The following SLC9A4 variants were observed in gnomAD, a reference collection of about 807,000 sequenced individuals.
SLC9A4 encodes sodium/hydrogen exchanger 4.
A neutral mutation model predicts 67.4 loss-of-function variants in SLC9A4; 63 were observed. That is an observed-to-expected ratio of 0.93 (90% CI 0.76 to 1.15). SLC9A4 has a LOEUF of 1.15. Ranked by LOEUF, SLC9A4 falls within the 50% of genes most tolerant of loss-of-function variation. SLC9A4 has a pLI of 0.00. For missense variants in SLC9A4, 1,089 were observed against 987.7 expected (o/e 1.10, Z -1.38); for synonymous variants, 393 against 367.2 (o/e 1.07, Z -0.80).
chr2:102,473,471 A>T lies in SLC9A4; in HGVS notation c.-289A>T. On this transcript the variant is annotated 5_prime_UTR_variant, in exon 1 of 12. The change abolishes an upstream ATG in the 5' untranslated region. Transcript: ENST00000295269. ...ATTTCTTTCATAAATTGCTCAAGCC[A>T]TGATTGGATGGAGGTCCTCCAGGTA... The T allele has an allele frequency of 2.4e-6, 1 of 414,812 alleles. No individual in the cohort carries two copies. Among genetic ancestry groups the T allele is most frequent in the Non-Finnish European group, 4.3e-6 (1 of 230,466 alleles). 25.7% of individuals were successfully genotyped at this position (414,812 alleles called of 1,614,324 possible).
rs1223404865 is a variant in SLC9A4 at position 102,479,251 on chromosome 2, G to A, written c.669G>A (p.Gln223=). The A allele has an allele frequency of 3.1e-6, 5 of 1,613,938 alleles. No individual in the cohort carries two copies. In the African/African-American group the frequency reaches 6.7e-5, roughly 22 times the overall value. ...AVFEEARVNE[Q]LYMMIFGEAL... is the part of the protein sequence containing the mutation. ...TTGAGGAAGCGCGCGTGAACGAGCA[G>A]CTCTACATGATGATCTTTGGGGAGG... The change falls in exon 2 of 12, where the codon CAG becomes CAA. Residue 223 remains glutamine (Q), a synonymous_variant. Transcript: ENST00000295269.
At chr2:102,504,680 T>G (rs1224236294) in intron 3 of SLC9A4, among the ~76,000 whole-genome samples, 3 of 152,230 alleles carry the variant, frequency 2.0e-5, no homozygotes, top group African/African-American at 7.2e-5. Flanking sequence ...AATGTGATAG[T>G]GTAAACTCTA....
intron 11 of SLC9A4, among the ~76,000 whole-genome samples, chr2:102,527,924 A>G (rs1390101077): frequency 6.6e-6 from 1 of 151,706 alleles, no homozygotes; most frequent in African/African-American, 2.4e-5. Context: ...GTTTTTTTCT[A>G]TTTGGTTGTT....
chr2:102,509,914 C>T (rs76918121), intron 6 of SLC9A4, among the ~76,000 whole-genome samples: 6,958 of 152,148 alleles, frequency 0.046, 492 homozygotes, highest in African/African-American at 0.15. Context: ...TGGGCAAGCT[C>T]TATTTGGTTC....
At chr2:102,511,451 T>A (rs563788870) in intron 6 of SLC9A4, among the ~76,000 whole-genome samples, 2 of 152,252 alleles carry the variant, frequency 1.3e-5, no homozygotes, top group African/African-American at 4.8e-5. Context: ...AAAGTTATAA[T>A]TTTTGGTAGA....
rs750869079 is a variant in SLC9A4, at chr2:102,512,190, G to A, written c.1489-13G>A. The A allele has an allele frequency of 1.2e-6, 2 of 1,613,746 alleles. No homozygotes were observed. Among genetic ancestry groups the A allele is most frequent in the Non-Finnish European group, 1.7e-6 (2 of 1,179,796 alleles). Reference sequence around the variant, plus strand: ...GTTTCTCCAGCAATCATTTTCTTGTGTTTGTTTGGCAGCTGATGGATCACT... The same window carrying A: ...GTTTCTCCAGCAATCATTTTCTTGTATTTGTTTGGCAGCTGATGGATCACT... On this transcript the variant is annotated splice_polypyrimidine_tract_variant and intron_variant, in intron 6 of 11. Transcript: ENST00000295269.
chr2:102,480,682 CA>C (rs891904902), intron 2 of SLC9A4, among the ~76,000 whole-genome samples: 1 of 152,154 alleles, frequency 6.6e-6, no homozygotes, highest in Non-Finnish European at 1.5e-5. Flanking sequence ...CCAGTTTAAA[CA>C]GTATGTACAT....
At chr2:102,481,139 A>C (rs1005631507) in intron 2 of SLC9A4, among the ~76,000 whole-genome samples, 3 of 152,190 alleles carry the variant, frequency 2.0e-5, no homozygotes, top group Admixed American at 2.0e-4. Context: ...GGAAACTTGC[A>C]TGTAGACCAG....
At position 102,532,639 on chromosome 2, in the gene SLC9A4, A is replaced by C. The variant is rs1228804024; in HGVS notation, c.2348A>C (p.His783Pro). The change falls in exon 12 of 12, where the codon CAC (histidine) becomes CCC (proline). Residue 783 changes from histidine to proline, a missense_variant. His to Pro is a moderately conservative substitution (Grantham distance 77). Transcript: ENST00000295269. ...TCGAGGTGGACAGCTGACCATGGAC[A>C]CGGCAGGGACCATCACAGGTCCCAT... ...VRSRWTADHG[H>P]GRDHHRSHSP... The C allele has an allele frequency of 6.2e-7, 1 of 1,613,972 alleles. No individual in the cohort carries two copies. The highest frequency in any genetic ancestry group is 8.5e-7 in the Non-Finnish European group (1 of 1,180,012).
At chr2:102,503,359 T>C in intron 2 of SLC9A4, 89 bp from the exon 3 acceptor site, 6 of 1,242,696 alleles carry the variant, frequency 4.8e-6, no homozygotes, top group Non-Finnish European at 6.6e-6. Context: ...TGTGTATTAC[T>C]TAACTAGACA....
intron 11 of SLC9A4, among the ~76,000 whole-genome samples, chr2:102,526,553 A>G (rs1213527184): frequency 2.0e-5 from 3 of 152,196 alleles, no homozygotes; most frequent in African/African-American, 7.2e-5. Flanking sequence ...TTTACTTTTC[A>G]TGAAATATTA....
intron 9 of SLC9A4, among the ~76,000 whole-genome samples, chr2:102,520,857 C>T (rs1308479127): frequency 6.6e-6 from 1 of 152,206 alleles, no homozygotes; most frequent in African/African-American, 2.4e-5. Context: ...ACCCAGTGCT[C>T]TTTTCATGAC....
chr2:102,512,014 A>G (rs766810585), intron 6 of SLC9A4, among the ~76,000 whole-genome samples, 189 bp from the exon 7 acceptor site: 13 of 152,204 alleles, frequency 8.5e-5, no homozygotes, highest in Non-Finnish European at 1.6e-4. Flanking sequence ...TCTTTAAACC[A>G]AAGTTGAAAT....
rs759238987 is a variant in SLC9A4 at position 102,503,573 on chromosome 2, C to T, written c.846C>T (p.Ile282=). The T allele has an allele frequency of 6.2e-7, 1 of 1,614,090 alleles. No homozygotes were observed. The highest frequency in any genetic ancestry group is 1.1e-5 in the South Asian group (1 of 91,064). The part of the protein sequence containing the change: ...VVGLGGVLFG[I]VFGFISAFIT... ...GGCTTGGAGGGGTATTGTTTGGCAT[C>T]GTTTTTGGATTTATTTCTGCATTTA... Residue 282 remains isoleucine, a synonymous_variant, in exon 3 of 12, where the codon ATC becomes ATT. Coordinates refer to ENST00000295269, the MANE Select transcript of SLC9A4 (RefSeq NM_001011552.4).
chr2:102,518,113 A>G (rs1473746756), intron 8 of SLC9A4, among the ~76,000 whole-genome samples: 1 of 152,220 alleles, frequency 6.6e-6, no homozygotes, highest in Non-Finnish European at 1.5e-5. Flanking sequence ...GTGTGGCTCC[A>G]TGAAGGGAAA....
chr2:102,483,900 ATC>A (rs1684528919), intron 2 of SLC9A4, among the ~76,000 whole-genome samples: 1 of 147,894 alleles, frequency 6.8e-6, no homozygotes, highest in Non-Finnish European at 1.5e-5. Context: ...ATAGAAAAAT[ATC>A]TCATATATAT....
At chr2:102,492,250 C>G (rs911671572) in intron 2 of SLC9A4, among the ~76,000 whole-genome samples, 20 of 152,238 alleles carry the variant, frequency 1.3e-4, no homozygotes, top group Non-Finnish European at 2.5e-4. Context: ...TTCTCACAGC[C>G]CCACTAGGCA....
At chr2:102,474,391 C>T (rs1684283844) in intron 1 of SLC9A4, among the ~76,000 whole-genome samples, 1 of 152,156 alleles carries the variant, frequency 6.6e-6, no homozygotes, top group Non-Finnish European at 1.5e-5. Context: ...CATAATGTTT[C>T]TTCTGTAAAA....
intron 2 of SLC9A4, among the ~76,000 whole-genome samples, chr2:102,493,005 T>C (rs1303977833): frequency 1.3e-5 from 2 of 152,216 alleles, no homozygotes; most frequent in Non-Finnish European, 2.9e-5. Flanking sequence ...TTACCTTTAT[T>C]CCAGTTCCCA....
Sources: allele counts gnomAD v4.1 joint callset (sites outside exome capture counted in the v4.1 genomes callset), GRCh38; gene constraint gnomAD v4.1.1; transcripts MANE v1.5; gene names NCBI Gene and HGNC (gene_info 2026-07-23, HGNC 2026-07-21).